Variants in SNRK observed in about 807,000 individuals in gnomAD.
The protein encoded by SNRK is SNF-related serine/threonine-protein kinase.
A neutral mutation model predicts 48.2 loss-of-function variants in SNRK; 3 were observed. The observed-to-expected ratio is 0.06, with a 90% CI of 0.03 to 0.16. The LOEUF is 0.16. Ranked by LOEUF, SNRK falls within the 10% of genes least tolerant of loss-of-function variation. The pLI is 1.00. For missense variants in SNRK, 627 were observed against 976.0 expected (o/e 0.64, Z 4.76); for synonymous variants, 376 against 366.1 (o/e 1.03, Z -0.31).
At chr3:43,341,332 T>C (rs780770705) in intron 5 of SNRK, among the ~76,000 whole-genome samples, 8 of 152,100 alleles carry the variant, frequency 5.3e-5, no homozygotes, top group Non-Finnish European at 1.0e-4. Flanking sequence ...TTCTATTTTT[T>C]AGTAGAGACG....
chr3:43,290,468 T>C (rs2090802748), intron 1 of SNRK, among the ~76,000 whole-genome samples: 1 of 152,236 alleles, frequency 6.6e-6, no homozygotes, highest in Non-Finnish European at 1.5e-5. Flanking sequence ...GCTAGAGTCA[T>C]TCTGGATTTC....
intron 2 of SNRK, among the ~76,000 whole-genome samples, chr3:43,301,493 C>T (rs182670457): frequency 4.5e-4 from 68 of 152,190 alleles, no homozygotes; most frequent in African/African-American, 1.6e-3. Flanking sequence ...TGGCCAGGCA[C>T]GGTGGCTCCA....
chr3:43,347,038 G>A lies in SNRK; in HGVS notation c.1080-301G>A, dbSNP rs561342357. On this transcript the variant is annotated intron_variant, in intron 6 of 6. Coordinates refer to ENST00000296088, the MANE Select transcript of SNRK (RefSeq NM_017719.5). This position sits in a 1 kb window ranked among gnomAD's most constrained non-coding sequence, Gnocchi z 5.4. ...TAACCTCCATGGGCTTCTAAAAAATGTTTAGTATAAAGCTTTTGTATAGAA... is the reference window on the plus strand; with the variant it reads ...TAACCTCCATGGGCTTCTAAAAAATATTTAGTATAAAGCTTTTGTATAGAA... 6 of 260,374 alleles carry A rather than the reference G, an allele frequency of 2.3e-5. No individual in the cohort carries two copies. In the South Asian group the frequency reaches 3.8e-4, roughly 16 times the overall value. 16.1% of individuals were successfully genotyped at this position (260,374 alleles called of 1,614,324 possible).
chr3:43,311,790 C>A (rs2090980838), intron 3 of SNRK, among the ~76,000 whole-genome samples: 1 of 152,086 alleles, frequency 6.6e-6, no homozygotes. Context: ...GTGGGGTGGC[C>A]TGCTTGTAGT....
At chr3:43,324,771 CAT>C (rs752641198) in intron 3 of SNRK, among the ~76,000 whole-genome samples, 2 of 152,104 alleles carry the variant, frequency 1.3e-5, no homozygotes, top group Non-Finnish European at 2.9e-5. Context: ...TTTAAAACCA[CAT>C]GTCTAATTTA....
At chr3:43,315,332 G>A (rs1378081295) in intron 3 of SNRK, 1 of 152,124 alleles carries the variant, frequency 6.6e-6, no homozygotes, top group Non-Finnish European at 1.5e-5. Context: ...TGCTATTAAT[G>A]TATTTATTTT....
intron 1 of SNRK, among the ~76,000 whole-genome samples, chr3:43,287,655 C>T (rs1018086654): frequency 6.6e-6 from 1 of 152,202 alleles, no homozygotes; most frequent in African/African-American, 2.4e-5. Flanking sequence ...TAAGGTGAAG[C>T]ATGGCTTGCA....
chr3:43,312,493 CT>C (rs1469404360), intron 3 of SNRK, among the ~76,000 whole-genome samples: 2 of 152,024 alleles, frequency 1.3e-5, no homozygotes, highest in African/African-American at 4.8e-5. Context: ...GGAACATCAA[CT>C]TTATAAAGAG....
At chr3:43,301,778 A>C (rs1172775295) in intron 2 of SNRK, among the ~76,000 whole-genome samples, 1 of 152,230 alleles carries the variant, frequency 6.6e-6, no homozygotes, top group African/African-American at 2.4e-5. Flanking sequence ...AAAGGGATAG[A>C]TACTGACTAA....
At chr3:43,336,113 TCA>T (rs987767310) in intron 4 of SNRK, among the ~76,000 whole-genome samples, 12 of 152,218 alleles carry the variant, frequency 7.9e-5, no homozygotes, top group African/African-American at 2.6e-4. Context: ...TTGTCCTACT[TCA>T]GTTTTTTTTT....
intron 3 of SNRK, among the ~76,000 whole-genome samples, chr3:43,329,601 C>T (rs2091130513): frequency 6.6e-6 from 1 of 152,168 alleles, no homozygotes; most frequent in Non-Finnish European, 1.5e-5. Flanking sequence ...TAGCCAACTA[C>T]TTGACATAGA....
At chr3:43,296,977 G>GT (rs1274608831) in intron 1 of SNRK, among the ~76,000 whole-genome samples, 1 of 152,106 alleles carries the variant, frequency 6.6e-6, no homozygotes, top group Non-Finnish European at 1.5e-5. Flanking sequence ...TCAGACATAA[G>GT]TTTTTATATT....
Position 43,322,951 on chromosome 3 carries a change from C to CAAAAAAAAAAAAAAAAAAAAA in SNRK, c.590-9203_590-9202insAAAAAAAAAAAAAAAAAAAAA, listed in dbSNP as rs55847039. On this transcript the variant is annotated intron_variant, in intron 3 of 6. Transcript: ENST00000296088. ...TGCGCGACAGAGTAAGACTCCGTCT[C>CAAAAAAAAAAAAAAAAAAAAA]AAAAAAAAAAAAAAAGACTGTATTG... Among the ~76,000 whole-genome samples, 106 of 72,610 alleles carry CAAAAAAAAAAAAAAAAAAAAA rather than the reference C, an allele frequency of 1.5e-3. 12 individuals carry two copies. Among genetic ancestry groups the CAAAAAAAAAAAAAAAAAAAAA allele is most frequent in the African/African-American group, 5.7e-3 (95 of 16,750 alleles). 47.6% of individuals were successfully genotyped at this position (72,610 alleles called of 152,430 possible). A position where few individuals can be genotyped will look rare whatever the true frequency, so the allele number is the denominator to read the frequency against.
At chr3:43,324,281 G>A (rs564114183) in intron 3 of SNRK, among the ~76,000 whole-genome samples, 45 of 152,162 alleles carry the variant, frequency 3.0e-4, no homozygotes, top group Non-Finnish European at 5.4e-4. Context: ...AGGCCAAGGC[G>A]GGTGGATCAC....
rs573763038 is a variant in SNRK, at chr3:43,315,557, G to A, written c.589+11765G>A. Among the ~76,000 whole-genome samples the A allele has an allele frequency of 3.3e-5, 5 of 152,274 alleles. No homozygotes were observed. The South Asian group carries it at 6.2e-4, about 19-fold the overall frequency. On this transcript the variant is annotated intron_variant, in intron 3 of 6. Coordinates refer to ENST00000296088, the MANE Select transcript of SNRK (RefSeq NM_017719.5). ...CCTGATGAGTTCTAGATTAGAAGACGTTAGGCTTTTGTCACAGGGACTACT... is the reference window on the plus strand; with the variant it reads ...CCTGATGAGTTCTAGATTAGAAGACATTAGGCTTTTGTCACAGGGACTACT...
At chr3:43,287,036 A>C (rs2090770911) in intron 1 of SNRK, among the ~76,000 whole-genome samples, 1 of 148,246 alleles carries the variant, frequency 6.7e-6, no homozygotes, top group Non-Finnish European at 1.5e-5. Context: ...CCCGCCCCGG[A>C]GCGGGCCGAG....
chr3:43,313,763 A>T lies in SNRK; in HGVS notation c.589+9971A>T, dbSNP rs568423692. Among the ~76,000 whole-genome samples, 38 of 152,336 alleles carry T rather than the reference A, an allele frequency of 2.5e-4. 1 individual carries two copies. In the South Asian group the frequency reaches 7.2e-3, roughly 29 times the overall value. The stretch of plus-strand genomic sequence containing the variant: ...TGATATTTTACTGTATTTAAGCACA[A>T]TGTTACTATTGGGGGAAACTGGGTG... On this transcript the variant is annotated intron_variant, in intron 3 of 6. Transcript: ENST00000296088.
intron 1 of SNRK, among the ~76,000 whole-genome samples, chr3:43,288,535 T>C (rs991142518): frequency 1.3e-5 from 2 of 152,192 alleles, no homozygotes; most frequent in African/African-American, 4.8e-5. Context: ...GGAAATACTG[T>C]TCATCTGAAC....
intron 3 of SNRK, among the ~76,000 whole-genome samples, chr3:43,319,487 G>A (rs2091038157): frequency 1.3e-5 from 2 of 152,056 alleles, no homozygotes. Flanking sequence ...ATAAAAGAGG[G>A]GCTGTGGATG....
Sources: allele counts gnomAD v4.1 joint callset (sites outside exome capture counted in the v4.1 genomes callset), GRCh38; gene constraint gnomAD v4.1.1; non-coding constraint Gnocchi (gnomAD v3.1); transcripts MANE v1.5; gene names NCBI Gene and HGNC (gene_info 2026-07-23, HGNC 2026-07-21).